The following CRY1 variants were observed in gnomAD, a reference collection of about 807,000 sequenced individuals.
CRY1 encodes cryptochrome-1.
CRY1 carries 45 observed loss-of-function variants against 76.0 expected under a neutral mutation model. That is an observed-to-expected ratio of 0.59 (90% CI 0.47 to 0.76). The LOEUF is 0.76. Among genes scored for constraint, CRY1 ranks in the 30% least tolerant of loss-of-function variants. The probability of loss-of-function intolerance (pLI) is 0.00; values close to 1 mark genes in which losing one functional copy is unlikely to be tolerated. For synonymous variants in CRY1, 248 were observed against 244.0 expected (o/e 1.02, Z -0.15); for missense variants, 587 against 716.4 (o/e 0.82, Z 2.06).
chr12:107,004,430 C>T (rs1952346877), intron 3 of CRY1, among the ~76,000 whole-genome samples: 1 of 152,120 alleles, frequency 6.6e-6, no homozygotes, highest in Non-Finnish European at 1.5e-5. Context: ...GATTTCAGTA[C>T]TTAAAAGGAC....
chr12:107,059,524 AT>A (rs1207347080), intron 1 of CRY1, among the ~76,000 whole-genome samples: 122 of 151,962 alleles, frequency 8.0e-4, no homozygotes, highest in African/African-American at 2.7e-3. Context: ...AAGTGTTGAG[AT>A]TACAGGCATG....
intron 1 of CRY1, among the ~76,000 whole-genome samples, chr12:107,085,727 A>G (rs904761284): frequency 1.3e-5 from 2 of 152,116 alleles, no homozygotes; most frequent in African/African-American, 4.8e-5. Flanking sequence ...CTTAAAACCT[A>G]GATGACAGGT....
At chr12:107,002,530 A>C (rs572994624) in intron 3 of CRY1, among the ~76,000 whole-genome samples, 1 of 152,366 alleles carries the variant, frequency 6.6e-6, no homozygotes, top group South Asian at 2.1e-4. Flanking sequence ...TGTGTGTGAC[A>C]AAAGCAGCTA....
rs1487602596 is a variant in CRY1 at position 106,997,990 on chromosome 12, AAGG to A, written c.1211_1213del (p.Ser404del). 1 of 1,614,166 alleles carries A rather than the reference AAGG, an allele frequency of 6.2e-7. No individual in the cohort carries two copies. Among genetic ancestry groups the A allele is most frequent in the Non-Finnish European group, 8.5e-7 (1 of 1,180,000 alleles). Reference sequence around the variant, plus strand: ...ATAGCAGTGAAAAAACTGTTGAAAAAAGGAACTACAAGACAGCCACATCCAACT... The same window carrying A: ...ATAGCAGTGAAAAAACTGTTGAAAAAAACTACAAGACAGCCACATCCAACT... On this transcript the variant is annotated inframe_deletion, in exon 8 of 13. Coordinates refer to ENST00000008527, the MANE Select transcript of CRY1 (RefSeq NM_004075.5).
intron 1 of CRY1, among the ~76,000 whole-genome samples, chr12:107,053,271 T>C (rs1323563902): frequency 6.6e-6 from 1 of 151,688 alleles, no homozygotes; most frequent in South Asian, 2.1e-4. Context: ...AGATGGAAAA[T>C]ATGAAGAAAA....
chr12:107,079,571 T>C (rs1188952690), intron 1 of CRY1, among the ~76,000 whole-genome samples: 1 of 152,080 alleles, frequency 6.6e-6, no homozygotes, highest in East Asian at 1.9e-4. Flanking sequence ...AAACAACATC[T>C]CCTATCTTTT....
chr12:107,008,914 T>C (rs1593499108), intron 2 of CRY1, among the ~76,000 whole-genome samples: 1 of 152,200 alleles, frequency 6.6e-6, no homozygotes, highest in Non-Finnish European at 1.5e-5. Flanking sequence ...TCCTCCATCT[T>C]CCACTAGGAT....
intron 1 of CRY1, among the ~76,000 whole-genome samples, chr12:107,034,370 C>G (rs531659220): frequency 6.6e-6 from 1 of 152,110 alleles, no homozygotes; most frequent in African/African-American, 2.4e-5. Flanking sequence ...GAATAAGCCA[C>G]CCCTTGTTTA....
At position 107,025,807 on chromosome 12, in the gene CRY1, T is replaced by G. The variant is rs553386190; in HGVS notation, c.159-3615A>C. The stretch of plus-strand genomic sequence containing the variant: ...TCCCTATACAATACACAACAAATCA[T>G]TTTGCTTGGCTACTAACCTAGGGTT... On this transcript the variant is annotated intron_variant, in intron 1 of 12. Coordinates refer to ENST00000008527, the MANE Select transcript of CRY1 (RefSeq NM_004075.5). 5.3e-5 allele frequency among the ~76,000 whole-genome samples: 8 copies of G among 151,976 alleles called. No homozygotes were observed. The East Asian group carries it at 1.6e-3, about 30-fold the overall frequency.
rs1952284391 is a variant in CRY1, at chr12:106,999,932, T to C, written c.825+10A>G. The C allele has an allele frequency of 1.3e-6, 2 of 1,592,702 alleles. No homozygotes were observed. Among genetic ancestry groups the C allele is most frequent in the Non-Finnish European group, 1.7e-6 (2 of 1,174,746 alleles). ...AGTATTAAACAATAAGCTCTAATTT[T>C]AGAGAATACCTTTTTGTAGAGATCT... On this transcript the variant is annotated intron_variant, in intron 6 of 12. Transcript: ENST00000008527.
intron 1 of CRY1, among the ~76,000 whole-genome samples, chr12:107,027,258 T>C (rs946052318): frequency 1.3e-5 from 2 of 152,186 alleles, no homozygotes; most frequent in Admixed American, 1.3e-4. Flanking sequence ...GCATGTGCTC[T>C]GGGACACTCA....
rs2136819432 is a variant in CRY1, at chr12:106,997,567, C to T, written c.1413G>A (p.Val471=). Residue 471 remains valine (V), a synonymous_variant, in exon 9 of 13, where the codon GTG becomes GTA. Coordinates refer to ENST00000008527, the MANE Select transcript of CRY1 (RefSeq NM_004075.5). ...TCAAACGGCTTGCCTCAGCATGGTT[C>T]ACCATTGGTTTAGGATAATTAACTC... The part of the protein sequence containing the change: ...LIGVNYPKPM[V]NHAEASRLNI... 1.2e-6 allele frequency: 2 copies of T among 1,614,122 alleles called. No homozygotes were observed. Among genetic ancestry groups the T allele is most frequent in the Non-Finnish European group, 1.7e-6 (2 of 1,180,004 alleles).
At chr12:106,998,210 A>G in intron 7 of CRY1, 144 bp from the exon 8 acceptor site, 1 of 875,354 alleles carries the variant, frequency 1.1e-6, no homozygotes, top group Non-Finnish European at 1.8e-6. Context: ...TAGCTTCCCT[A>G]TGTTCTGTTC....
At chr12:107,040,336 AG>A (rs59332410) in intron 1 of CRY1, among the ~76,000 whole-genome samples, 100,136 of 142,054 alleles carry the variant, frequency 0.7, 35,955 homozygotes, top group East Asian at 0.97. Context: ...CCCAGGCTGG[AG>A]GTGCAGTGGC....
At chr12:107,070,664 ATTTT>A (rs61257299) in intron 1 of CRY1, among the ~76,000 whole-genome samples, 4 of 142,162 alleles carry the variant, frequency 2.8e-5, no homozygotes, top group African/African-American at 5.1e-5. Flanking sequence ...GGATTCTCTT[ATTTT>A]TATTTATTTA....
intron 1 of CRY1, among the ~76,000 whole-genome samples, chr12:107,039,005 T>A (rs1565833461): frequency 6.6e-6 from 1 of 152,040 alleles, no homozygotes; most frequent in Non-Finnish European, 1.5e-5. Context: ...ATGCCTGTAA[T>A]CCCAGCTACT....
intron 1 of CRY1, among the ~76,000 whole-genome samples, chr12:107,056,213 G>A (rs1446334766): frequency 6.6e-6 from 1 of 152,202 alleles, no homozygotes; most frequent in African/African-American, 2.4e-5. Flanking sequence ...GATGCCAAAA[G>A]GCTAGACATC....
intron 2 of CRY1, among the ~76,000 whole-genome samples, chr12:107,016,842 G>C (rs577924706): frequency 6.6e-6 from 1 of 152,080 alleles, no homozygotes; most frequent in Non-Finnish European, 1.5e-5. Flanking sequence ...TCTGCCATGC[G>C]TCCAGGCTAA....
intron 1 of CRY1, among the ~76,000 whole-genome samples, chr12:107,048,797 T>G (rs1952879794): frequency 6.6e-6 from 1 of 152,238 alleles, no homozygotes; most frequent in East Asian, 1.9e-4. Flanking sequence ...AAATTCCCTA[T>G]TGTATTCAAT....
Sources: allele counts gnomAD v4.1 joint callset (sites outside exome capture counted in the v4.1 genomes callset), GRCh38; gene constraint gnomAD v4.1.1; transcripts MANE v1.5; gene names NCBI Gene and HGNC (gene_info 2026-07-23, HGNC 2026-07-21).